The following GRID2 variants were observed in gnomAD, a reference collection of about 807,000 sequenced individuals.
The protein encoded by GRID2 is glutamate ionotropic receptor delta type subunit 2.
GRID2 carries 33 observed loss-of-function variants against 114.8 expected under a neutral mutation model. That is an observed-to-expected ratio of 0.29 (90% confidence interval 0.22 to 0.38). GRID2 has a LOEUF of 0.38. Ranked by LOEUF, GRID2 falls within the 10% of genes least tolerant of loss-of-function variation. GRID2 has a pLI of 1.00. For missense variants in GRID2, 1,184 were observed against 1,257.7 expected (o/e 0.94, Z 0.89); for synonymous variants, 505 against 449.9 (o/e 1.12, Z -1.55).
intron 14 of GRID2, among the ~76,000 whole-genome samples, chr4:93,727,962 G>A (rs1166495635): frequency 1.3e-5 from 2 of 152,014 alleles, no homozygotes; most frequent in Admixed American, 6.6e-5. Context: ...ATTTTTTGAA[G>A]GGTTTTTTGT....
At chr4:92,739,714 T>G (rs530951186) in intron 2 of GRID2, among the ~76,000 whole-genome samples, 72 of 152,194 alleles carry the variant, frequency 4.7e-4, no homozygotes, top group South Asian at 6.2e-4. Flanking sequence ...GTAATAACAT[T>G]GAAAATAAGA....
chr4:92,683,367 A>C (rs537685682), intron 2 of GRID2, among the ~76,000 whole-genome samples: 42 of 152,312 alleles, frequency 2.8e-4, no homozygotes, highest in African/African-American at 9.9e-4. Flanking sequence ...TTAATCAACA[A>C]ATATGAGCAT....
chr4:92,868,545 G>C (rs952407840), intron 2 of GRID2, among the ~76,000 whole-genome samples: 1 of 152,128 alleles, frequency 6.6e-6, no homozygotes, highest in Non-Finnish European at 1.5e-5. Context: ...AAACAAGTAG[G>C]CTATTCTTTC....
intron 2 of GRID2, among the ~76,000 whole-genome samples, chr4:92,849,360 T>C (rs1007716301): frequency 1.5e-4 from 23 of 151,924 alleles, no homozygotes; most frequent in African/African-American, 7.2e-5. Flanking sequence ...TGGGGATTTA[T>C]AACAGTTGGT....
chr4:93,600,976 TC>T (rs1454053652), intron 13 of GRID2, among the ~76,000 whole-genome samples: 1 of 152,120 alleles, frequency 6.6e-6, no homozygotes, highest in African/African-American at 2.4e-5. Flanking sequence ...AACAAATCTG[TC>T]ATGGTGAGAG....
chr4:93,781,123 T>C (rs902472959), intron 1 of GRID2, among the ~76,000 whole-genome samples: 3 of 152,238 alleles, frequency 2.0e-5, no homozygotes, highest in African/African-American at 7.2e-5. Context: ...ATCTAGTTTG[T>C]TAATTTTACT....
intron 4 of GRID2, among the ~76,000 whole-genome samples, chr4:93,149,167 T>C (rs999846102): frequency 6.6e-6 from 1 of 152,150 alleles, no homozygotes; most frequent in Non-Finnish European, 1.5e-5. Flanking sequence ...GCTTATATAA[T>C]ACTTCTGGAT....
At chr4:93,541,329 C>G (rs1450137074) in intron 13 of GRID2, among the ~76,000 whole-genome samples, 2 of 152,078 alleles carry the variant, frequency 1.3e-5, no homozygotes. Context: ...TGTTTCCCAG[C>G]AAAACACCCT....
At chr4:92,576,460 A>T (rs903386078) in intron 1 of GRID2, among the ~76,000 whole-genome samples, 5 of 152,116 alleles carry the variant, frequency 3.3e-5, no homozygotes, top group African/African-American at 1.2e-4. Context: ...GTGAGATGCT[A>T]TGGAAGTTGG....
intron 8 of GRID2, among the ~76,000 whole-genome samples, chr4:93,293,777 A>G (rs1019718052): frequency 6.6e-6 from 1 of 152,222 alleles, no homozygotes; most frequent in Non-Finnish European, 1.5e-5. Flanking sequence ...CCACCCAATC[A>G]TAAGCCAAAG....
At chr4:92,948,927 G>GT (rs554479323) in intron 2 of GRID2, among the ~76,000 whole-genome samples, 49 of 150,230 alleles carry the variant, frequency 3.3e-4, no homozygotes, top group African/African-American at 5.9e-4. Context: ...AATAATATCA[G>GT]TTTTTTTTTC....
intron 2 of GRID2, among the ~76,000 whole-genome samples, chr4:92,808,634 C>G (rs1003272954): frequency 1.3e-5 from 2 of 151,942 alleles, no homozygotes; most frequent in African/African-American, 4.8e-5. Flanking sequence ...GACCAGAGAA[C>G]TGAACAACTG....
chr4:92,386,950 G>A (rs183139504), intron 1 of GRID2, among the ~76,000 whole-genome samples: 73 of 151,970 alleles, frequency 4.8e-4, no homozygotes, highest in African/African-American at 1.6e-3. Context: ...ATGATAATGT[G>A]CAATGTATAA....
At chr4:93,783,158 T>C (rs1734513591) in intron 1 of GRID2, among the ~76,000 whole-genome samples, 1 of 152,222 alleles carries the variant, frequency 6.6e-6, no homozygotes, top group South Asian at 2.1e-4. Context: ...TTTGTCCTCG[T>C]GGGAGGGAAG....
chr4:93,276,062 A>T (rs1752028004), intron 8 of GRID2, among the ~76,000 whole-genome samples: 1 of 151,870 alleles, frequency 6.6e-6, no homozygotes, highest in South Asian at 2.1e-4. Flanking sequence ...TTACATTTTC[A>T]TCTAAGATTT....
chr4:92,833,106 G>A (rs926487698), intron 2 of GRID2, among the ~76,000 whole-genome samples: 10 of 152,278 alleles, frequency 6.6e-5, no homozygotes, highest in African/African-American at 2.4e-4. Context: ...AACACAGCAT[G>A]AACAATACTA....
intron 2 of GRID2, among the ~76,000 whole-genome samples, chr4:92,631,899 G>C (rs1156804022): frequency 2.0e-5 from 3 of 152,082 alleles, no homozygotes; most frequent in Non-Finnish European, 2.9e-5. Context: ...CAAGGGTATT[G>C]GATATGCTTG....
intron 2 of GRID2, among the ~76,000 whole-genome samples, chr4:92,795,562 T>C (rs1739822819): frequency 6.6e-6 from 1 of 151,978 alleles, no homozygotes; most frequent in African/African-American, 2.4e-5. Flanking sequence ...AAATATATCA[T>C]AATTTTTGCC....
intron 1 of GRID2, among the ~76,000 whole-genome samples, chr4:92,468,584 G>A (rs1721870044): frequency 6.6e-6 from 1 of 151,866 alleles, no homozygotes; most frequent in Non-Finnish European, 1.5e-5. Context: ...TGTTCTTGAG[G>A]AACTTACAGT....
Sources: allele counts gnomAD v4.1 joint callset (sites outside exome capture counted in the v4.1 genomes callset), GRCh38; gene constraint gnomAD v4.1.1; transcripts MANE v1.5; gene names NCBI Gene and HGNC (gene_info 2026-07-23, HGNC 2026-07-21).